ARID4A: variants seen among roughly 807,000 people sequenced by gnomAD.
ARID4A encodes the protein AT-rich interaction domain 4A.
Under a neutral mutation model 148.6 loss-of-function variants are expected in ARID4A, and 39 were observed. The observed-to-expected ratio is 0.26, with a 90% confidence interval of 0.20 to 0.34. ARID4A has a LOEUF of 0.34. Among genes scored for constraint, ARID4A ranks in the 10% least tolerant of loss-of-function variants. ARID4A has a pLI of 1.00. For synonymous variants in ARID4A, 475 were observed against 481.2 expected (o/e 0.99, Z 0.17); for missense variants, 1,265 against 1,449.1 (o/e 0.87, Z 2.06).
intron 9 of ARID4A, among the ~76,000 whole-genome samples, chr14:58,328,700 A>G (rs1045365936): frequency 6.6e-6 from 1 of 152,118 alleles, no homozygotes; most frequent in Non-Finnish European, 1.5e-5. Context: ...CATGATTACA[A>G]TCCAGACTTT....
chr14:58,336,786 G>A (rs1339469029), intron 11 of ARID4A, among the ~76,000 whole-genome samples: 1 of 152,062 alleles, frequency 6.6e-6, no homozygotes, highest in East Asian at 1.9e-4. Context: ...ATATACATAT[G>A]AAATCGCCTC....
In ARID4A at chr14:58,366,016, A is replaced by G; in HGVS notation, c.3317-8A>G. On this transcript the variant is annotated splice_polypyrimidine_tract_variant and splice_region_variant and intron_variant, in intron 21 of 23. Coordinates refer to ENST00000355431, the MANE Select transcript of ARID4A (RefSeq NM_002892.4). ...ATAATCTGAGTCAATCTTTTTTATT[A>G]TTTATAGGACAAAGCAGTGATAGTG... 6 of 1,583,574 alleles carry G rather than the reference A, an allele frequency of 3.8e-6. 1 individual carries two copies. The Middle Eastern group carries it at 8.5e-4, about 224-fold the overall frequency.
At chr14:58,321,099 G>C (rs772202166) in intron 7 of ARID4A, among the ~76,000 whole-genome samples, 2 of 152,264 alleles carry the variant, frequency 1.3e-5, no homozygotes, top group African/African-American at 2.4e-5. Flanking sequence ...TTTGATTAAG[G>C]TGGTGCCTGC....
intron 18 of ARID4A, among the ~76,000 whole-genome samples, chr14:58,360,083 T>C (rs929387637): frequency 8.5e-5 from 12 of 140,690 alleles, no homozygotes; most frequent in Non-Finnish European, 1.9e-4. Context: ...AAAAAAAAAA[T>C]CTTGATTCTT....
chr14:58,311,192 G>C (rs569432994), intron 5 of ARID4A, among the ~76,000 whole-genome samples: 13 of 152,238 alleles, frequency 8.5e-5, no homozygotes, highest in African/African-American at 2.4e-4. Flanking sequence ...GCTGCAGTGA[G>C]CCAAGATCAT....
intron 23 of ARID4A, among the ~76,000 whole-genome samples, chr14:58,370,976 G>C (rs2035586196): frequency 6.6e-6 from 1 of 152,054 alleles, no homozygotes; most frequent in Admixed American, 6.6e-5. Flanking sequence ...ATTGAGATTT[G>C]AGTGATTTGT....
intron 5 of ARID4A, among the ~76,000 whole-genome samples, chr14:58,316,838 C>T (rs1239326775): frequency 2.0e-5 from 3 of 152,024 alleles, no homozygotes; most frequent in African/African-American, 7.2e-5. Flanking sequence ...CCTCGGCCTC[C>T]CAAAGTGCTG....
At chr14:58,350,374 C>T (rs555986740) in intron 15 of ARID4A, among the ~76,000 whole-genome samples, 1 of 152,210 alleles carries the variant, frequency 6.6e-6, no homozygotes, top group Admixed American at 6.5e-5. Flanking sequence ...GAGACTTCTG[C>T]CAGTGTATAG....
At chr14:58,328,866 G>T (rs1225982202) in intron 9 of ARID4A, among the ~76,000 whole-genome samples, 1 of 151,806 alleles carries the variant, frequency 6.6e-6, no homozygotes, top group African/African-American at 2.4e-5. Flanking sequence ...GGTGGTGCAT[G>T]CCTGTAGTCC....
intron 11 of ARID4A, among the ~76,000 whole-genome samples, chr14:58,333,641 A>AT (rs772818529): frequency 2.6e-5 from 4 of 152,138 alleles, no homozygotes; most frequent in African/African-American, 4.8e-5. Flanking sequence ...CTAAGATTAT[A>AT]TTCCAGTATT....
intron 11 of ARID4A, among the ~76,000 whole-genome samples, chr14:58,330,797 T>C (rs1047842644): frequency 6.6e-6 from 1 of 152,246 alleles, no homozygotes; most frequent in Non-Finnish European, 1.5e-5. Context: ...CTTTATAATA[T>C]TGCCATGTCA....
At position 58,360,890 on chromosome 14, in the gene ARID4A, T is replaced by C; in HGVS notation, c.1939-11T>C. The C allele has an allele frequency of 6.2e-7, 1 of 1,613,320 alleles. No individual in the cohort carries two copies. The highest frequency in any genetic ancestry group is 8.5e-7 in the Non-Finnish European group (1 of 1,179,664). ...TTGGCCCTTCTCATACATTTTGTTG[T>C]TGTTGCCCAGAATAAAGAAGATAGT... On this transcript the variant is annotated splice_polypyrimidine_tract_variant and intron_variant, in intron 18 of 23. Coordinates refer to ENST00000355431, the MANE Select transcript of ARID4A (RefSeq NM_002892.4).
rs749894051 is a variant in ARID4A at position 58,318,783 on chromosome 14, G to A, written c.427G>A (p.Gly143Arg). 5.6e-6 allele frequency: 9 copies of A among 1,613,520 alleles called. No homozygotes were observed. Among genetic ancestry groups the A allele is most frequent in the Non-Finnish European group, 7.6e-6 (9 of 1,179,644 alleles). ...TPVIAKKTNRGRRSSLPVTED... is the reference protein window; with the variant it reads ...TPVIAKKTNRRRRSSLPVTED... ...AGTAATTGCAAAGAAGACGAACAGA[G>A]GAAGGAGATCTTCTCTTCCTGTGTG... The change falls in exon 7 of 24, where the codon GGA becomes AGA. Residue 143 changes from glycine to arginine, a missense_variant. Transcript: ENST00000355431.
intron 11 of ARID4A, among the ~76,000 whole-genome samples, chr14:58,340,075 C>T (rs1030193837): frequency 2.0e-5 from 3 of 152,138 alleles, no homozygotes; most frequent in Non-Finnish European, 4.4e-5. Context: ...AGTTTCCCAT[C>T]CCACTAAAAT....
chr14:58,356,725 C>T (rs1217600608), intron 17 of ARID4A, among the ~76,000 whole-genome samples: 2 of 136,840 alleles, frequency 1.5e-5, no homozygotes, highest in African/African-American at 5.5e-5. Context: ...TTTTTTAAGA[C>T]GGAGTCTTGC....
At chr14:58,308,001 C>CATGTT (rs200491493) in intron 5 of ARID4A, among the ~76,000 whole-genome samples, 3 of 58,602 alleles carry the variant, frequency 5.1e-5, no homozygotes, top group African/African-American at 1.7e-4. Flanking sequence ...AGGTTGTACT[C>CATGTT]ACTTTGAAGC....
intron 7 of ARID4A, among the ~76,000 whole-genome samples, chr14:58,319,420 TTAAG>T (rs1274678967): frequency 6.6e-5 from 10 of 151,984 alleles, no homozygotes; most frequent in African/African-American, 2.4e-4. Context: ...TTTTTCTATT[TTAAG>T]TGAGTATATG....
chr14:58,343,481 G>C (rs2034211259), intron 11 of ARID4A, among the ~76,000 whole-genome samples: 1 of 152,154 alleles, frequency 6.6e-6, no homozygotes, highest in Non-Finnish European at 1.5e-5. Flanking sequence ...GGACACCGAA[G>C]ACTCAACATT....
At chr14:58,329,005 A>T (rs376619291) in intron 9 of ARID4A, among the ~76,000 whole-genome samples, 1 of 146,510 alleles carries the variant, frequency 6.8e-6, no homozygotes, top group African/African-American at 2.5e-5. Flanking sequence ...AAAAAAAAAA[A>T]TCCAGACTTA....
Sources: gnomAD v4.1 joint callset for allele counts (sites outside exome capture counted in the v4.1 genomes callset) on GRCh38, gnomAD v4.1.1 for gene constraint, MANE v1.5 for transcripts, NCBI Gene and HGNC (gene_info 2026-07-23, HGNC 2026-07-21) for gene names.